Variants in PLEKHD1 observed in about 807,000 individuals in gnomAD.
The protein encoded by PLEKHD1 is pleckstrin homology domain-containing family D member 1.
Under a neutral mutation model 69.2 loss-of-function variants are expected in PLEKHD1, and 51 were observed. That is an observed-to-expected ratio of 0.74 (90% CI 0.59 to 0.93). PLEKHD1 has a LOEUF of 0.93. Among genes scored for constraint, PLEKHD1 ranks in the 40% least tolerant of loss-of-function variants. PLEKHD1 has a pLI of 0.00. For missense variants in PLEKHD1, 584 were observed against 641.0 expected, an observed-to-expected ratio of 0.91 and a Z score of 0.96; for synonymous variants, 236 against 244.7, an observed-to-expected ratio of 0.96 and a Z score of 0.33.
the PLEKHD1 span, among the ~76,000 whole-genome samples, chr14:69,468,325 C>T: frequency 6.6e-6 from 1 of 152,158 alleles, no homozygotes; most frequent in Admixed American, 6.5e-5. Context: ...AAGCAGTTTA[C>T]CAGACTGCAT....
chr14:69,527,912 C>T lies in PLEKHD1; in HGVS notation c.1331C>T (p.Ser444Phe). Reference protein sequence around the residue: ...IKSCRFHRRRSSTSWNDMKPS... With the variant: ...IKSCRFHRRRFSTSWNDMKPS... Reference sequence around the variant, plus strand: ...AGCTGCCGCTTCCACCGACGCCGGTCCAGCACCTCCTGGAATGACAGTGAG... The same window carrying T: ...AGCTGCCGCTTCCACCGACGCCGGTTCAGCACCTCCTGGAATGACAGTGAG... The change falls in exon 12 of 13, where the codon TCC becomes TTC. Residue 444 changes from serine to phenylalanine, a missense_variant. Coordinates refer to ENST00000322564, the MANE Select transcript of PLEKHD1 (RefSeq NM_001161498.2). 2 of 1,551,606 alleles carry T rather than the reference C, an allele frequency of 1.3e-6. No individual in the cohort carries two copies. The highest frequency in any genetic ancestry group is 1.4e-5 in the African/African-American group (1 of 73,186).
intron 1 of PLEKHD1, among the ~76,000 whole-genome samples, chr14:69,492,433 C>T (rs1398996413): frequency 1.3e-5 from 2 of 152,202 alleles, no homozygotes; most frequent in Non-Finnish European, 2.9e-5. Flanking sequence ...TATTGTGGCA[C>T]ATTACAATGT....
chr14:69,502,555 G>A (rs982373543), intron 5 of PLEKHD1: 1 of 472,554 alleles, frequency 2.1e-6, no homozygotes, highest in East Asian at 4.0e-5. Context: ...CCCAGGTGCA[G>A]CAGGCCTGGG....
chr14:69,493,062 C>T (rs1239463054), intron 1 of PLEKHD1, among the ~76,000 whole-genome samples: 6 of 152,224 alleles, frequency 3.9e-5, no homozygotes, highest in South Asian at 2.1e-4. Context: ...CCACCACACC[C>T]GGCCAATATT....
intron 6 of PLEKHD1, among the ~76,000 whole-genome samples, chr14:69,504,450 T>C (rs1281830874): frequency 1.5e-5 from 2 of 129,192 alleles, no homozygotes; most frequent in Non-Finnish European, 3.2e-5. Flanking sequence ...AAACAGGCCA[T>C]ATCATCAAAA....
intron 6 of PLEKHD1, among the ~76,000 whole-genome samples, chr14:69,509,944 A>T (rs1883234810): frequency 6.6e-6 from 1 of 152,188 alleles, no homozygotes; most frequent in Non-Finnish European, 1.5e-5. Context: ...TCTCAAAAAA[A>T]AAAAAGACTG....
intron 6 of PLEKHD1, chr14:69,503,188 T>C: frequency 2.5e-6 from 1 of 401,044 alleles, no homozygotes; most frequent in Non-Finnish European, 4.7e-6. Flanking sequence ...TCAATGATGT[T>C]CACGGGAGCT....
chr14:69,508,267 G>A (rs1322602825), intron 6 of PLEKHD1, among the ~76,000 whole-genome samples: 1 of 152,036 alleles, frequency 6.6e-6, no homozygotes, highest in African/African-American at 2.4e-5. Context: ...TTAGCCGGGG[G>A]TGGTGATGTG....
chr14:69,482,923 GAAAGAAAGAAA>G (rs1427698927), upstream of PLEKHD1, among the ~76,000 whole-genome samples: 20 of 140,156 alleles, frequency 1.4e-4, no homozygotes, highest in South Asian at 4.1e-3. Context: ...AAGAAAAAAA[GAAAGAAAGAAA>G]AAAGAAAGAA....
intron 1 of PLEKHD1, among the ~76,000 whole-genome samples, chr14:69,494,027 A>G (rs537810977): frequency 5.5e-4 from 84 of 152,324 alleles, no homozygotes; most frequent in African/African-American, 1.8e-3. Flanking sequence ...AGCTCCCTCC[A>G]GTAGCAGCCT....
rs1474493515 is a variant in PLEKHD1 at position 69,498,643 on chromosome 14, CTTCTCTTCTCTTCTCTTCTT to C, written c.150-1470_150-1451del. On this transcript the variant is annotated intron_variant, in intron 1 of 12. Coordinates refer to ENST00000322564, the MANE Select transcript of PLEKHD1 (RefSeq NM_001161498.2). Reference sequence around the variant, plus strand: ...CTTCTCTTCTCTTCTCTTCTCTTCTCTTCTCTTCTCTTCTCTTCTTTGAGATGGAGTCTCACTCGTGTTGC... The same window carrying C: ...CTTCTCTTCTCTTCTCTTCTCTTCTCTGAGATGGAGTCTCACTCGTGTTGC... Among the ~76,000 whole-genome samples, 403 of 140,646 alleles carry C rather than the reference CTTCTCTTCTCTTCTCTTCTT, an allele frequency of 2.9e-3. 3 individuals are homozygous for C. Among genetic ancestry groups the C allele is most frequent in the African/African-American group, 6.3e-3 (242 of 38,574 alleles). 92.3% of individuals were successfully genotyped at this position (140,646 alleles called of 152,430 possible).
In PLEKHD1 at chr14:69,522,323, A is replaced by C. The variant is rs1883535666; in HGVS notation, c.596A>C (p.Gln199Pro). Residue 199 changes from glutamine to proline, a missense_variant, in exon 7 of 13, where the codon CAG (glutamine) becomes CCG (proline). By Grantham distance (76) the Gln-to-Pro change is moderately conservative (BLOSUM62 -1). Coordinates refer to ENST00000322564, the MANE Select transcript of PLEKHD1 (RefSeq NM_001161498.2). ...RLNQVLEAEKQQFEEVVQELR... is the reference protein window; with the variant it reads ...RLNQVLEAEKPQFEEVVQELR... ...AACCAGGTGCTGGAGGCCGAGAAGC[A>C]GCAGTTCGAGGAGGTGGTGCAGGAG... The C allele has an allele frequency of 6.4e-7, 1 of 1,551,492 alleles. No individual in the cohort carries two copies. The highest frequency in any genetic ancestry group is 1.4e-5 in the African/African-American group (1 of 73,036).
the PLEKHD1 span, among the ~76,000 whole-genome samples, chr14:69,470,770 C>CT: frequency 5.0e-3 from 754 of 150,048 alleles, 7 homozygotes; most frequent in African/African-American, 0.018. Flanking sequence ...TCTTGTCTTT[C>CT]TTTTTTTTTT....
rs1405708398 is a variant in PLEKHD1 at position 69,500,219 on chromosome 14, C to T, written c.243+11C>T. On this transcript the variant is annotated intron_variant, in intron 2 of 12. Coordinates refer to ENST00000322564, the MANE Select transcript of PLEKHD1 (RefSeq NM_001161498.2). Reference sequence around the variant, plus strand: ...AATATACATCCTAAGGTGAGGCGGCCCCTCCCAGGGCCACAGCAGGGGAGG... The same window carrying T: ...AATATACATCCTAAGGTGAGGCGGCTCCTCCCAGGGCCACAGCAGGGGAGG... 6.5e-7 allele frequency: 1 copy of T among 1,534,446 alleles called. No homozygotes were observed. The highest frequency in any genetic ancestry group is 2.0e-5 in the Admixed American group (1 of 50,880).
rs1274121372 is a variant in PLEKHD1 at position 69,519,835 on chromosome 14, T to C, written c.556-2448T>C. On this transcript the variant is annotated intron_variant, in intron 6 of 12. Coordinates refer to ENST00000322564, the MANE Select transcript of PLEKHD1 (RefSeq NM_001161498.2). ...CCTCCAGGTGGGTCCAGGGTGATCA[T>C]TTGTGAAGCGGCAGAGGCCCCAGAC... Among the ~76,000 whole-genome samples the C allele has an allele frequency of 2.0e-5, 3 of 152,100 alleles. No homozygotes were observed. In the East Asian group the frequency reaches 5.8e-4, roughly 29 times the overall value.
intron 1 of PLEKHD1, among the ~76,000 whole-genome samples, chr14:69,488,045 C>T (rs1201796664): frequency 6.6e-6 from 1 of 152,220 alleles, no homozygotes; most frequent in African/African-American, 2.4e-5. Flanking sequence ...ACCCCTTCTC[C>T]TCCCCAGGGG....
At chr14:69,511,974 A>G (rs1424577569) in intron 6 of PLEKHD1, among the ~76,000 whole-genome samples, 1 of 152,212 alleles carries the variant, frequency 6.6e-6, no homozygotes, top group Non-Finnish European at 1.5e-5. Context: ...GATAATTGGT[A>G]TAGTTTCTTA....
At chr14:69,492,785 T>C (rs1288382229) in intron 1 of PLEKHD1, among the ~76,000 whole-genome samples, 1 of 152,198 alleles carries the variant, frequency 6.6e-6, no homozygotes, top group African/African-American at 2.4e-5. Context: ...TTTAGGGTCT[T>C]TTGAGACAGG....
Position 69,522,358 on chromosome 14 carries a change from G to T in PLEKHD1, c.631G>T (p.Glu211Ter). The change falls in exon 7 of 13, where the codon GAG (glutamate) becomes TAG (stop). Residue 211 changes from glutamate to a stop codon, truncating the protein, a stop_gained. Coordinates refer to ENST00000322564, the MANE Select transcript of PLEKHD1 (RefSeq NM_001161498.2). LOFTEE classifies it high-confidence loss of function. Reference protein sequence around the residue: ...FEEVVQELRMEQEQIKRELEL... With the variant: ...FEEVVQELRM ...GGAGGTGGTGCAGGAGCTGAGAATG[G>T]AGCAGGAGCAGATCAAGAGGTGGTG... The T allele has an allele frequency of 6.4e-7, 1 of 1,551,520 alleles. No homozygotes were observed. Among genetic ancestry groups the T allele is most frequent in the South Asian group, 1.2e-5 (1 of 84,034 alleles).
Sources: gnomAD v4.1 joint callset for allele counts (sites outside exome capture counted in the v4.1 genomes callset) on GRCh38, gnomAD v4.1.1 for gene constraint, MANE v1.5 for transcripts, NCBI Gene and HGNC (gene_info 2026-07-23, HGNC 2026-07-21) for gene names.